Variants in ARHGAP44 observed in about 807,000 individuals in gnomAD.
The protein encoded by ARHGAP44 is Rho GTPase activating protein 44.
ARHGAP44 carries 43 observed loss-of-function variants against 106.8 expected under a neutral mutation model. The observed-to-expected ratio is 0.40, with a 90% confidence interval of 0.32 to 0.52. ARHGAP44 has a LOEUF of 0.52. ARHGAP44 is among the 20% of genes least tolerant of loss of function. The pLI, the probability that ARHGAP44 is intolerant of heterozygous loss-of-function variation, is 0.48. For synonymous variants in ARHGAP44, 439 were observed against 410.3 expected, an observed-to-expected ratio of 1.07 and a Z score of -0.85; for missense variants, 866 against 1,050.5, an observed-to-expected ratio of 0.82 and a Z score of 2.43.
intron 1 of ARHGAP44, among the ~76,000 whole-genome samples, chr17:12,888,794 G>A (rs2036956700): frequency 6.6e-6 from 1 of 152,092 alleles, no homozygotes; most frequent in African/African-American, 2.4e-5. Flanking sequence ...ATACACTTAG[G>A]ATTGTTGTGT....
chr17:12,841,243 G>A (rs2035381567), intron 1 of ARHGAP44, among the ~76,000 whole-genome samples: 1 of 152,162 alleles, frequency 6.6e-6, no homozygotes, highest in Admixed American at 6.5e-5. Flanking sequence ...TTCACCTCGA[G>A]AGTGAGGGCC....
intron 1 of ARHGAP44, among the ~76,000 whole-genome samples, chr17:12,844,110 A>G (rs1406405505): frequency 6.6e-6 from 1 of 152,200 alleles, no homozygotes; most frequent in Non-Finnish European, 1.5e-5. Flanking sequence ...GGAGTCAGCA[A>G]GAAATCTGGA....
intron 1 of ARHGAP44, among the ~76,000 whole-genome samples, chr17:12,846,842 T>G (rs537083542): frequency 6.6e-6 from 1 of 152,364 alleles, no homozygotes; most frequent in African/African-American, 2.4e-5. Flanking sequence ...TGAATTTCAT[T>G]TTGCGTGCAC....
chr17:12,967,046 T>G (rs1438938956), intron 16 of ARHGAP44, among the ~76,000 whole-genome samples: 1 of 151,564 alleles, frequency 6.6e-6, no homozygotes, highest in Non-Finnish European at 1.5e-5. Flanking sequence ...TTTCTCCCCC[T>G]CTTCTTCCTT....
intron 1 of ARHGAP44, among the ~76,000 whole-genome samples, chr17:12,857,946 G>A (rs1184790547): frequency 6.6e-6 from 1 of 152,074 alleles, no homozygotes; most frequent in African/African-American, 2.4e-5. Context: ...GACCACCTTA[G>A]CCACTATTAG....
Position 12,970,155 on chromosome 17 carries a change from G to A in ARHGAP44, c.1524-3147G>A, listed in dbSNP as rs575118282. 7.9e-5 allele frequency among the ~76,000 whole-genome samples: 12 copies of A among 152,018 alleles called. No individual in the cohort carries two copies. In the South Asian group the frequency reaches 2.5e-3, roughly 32 times the overall value. On this transcript the variant is annotated intron_variant, in intron 16 of 20. Transcript: ENST00000379672. ...CCTGCCCCTTGTCTTCTTACTCTGAGAGAGAGCAGTGGTCCAGCCTGGGTA... is the reference window on the plus strand; with the variant it reads ...CCTGCCCCTTGTCTTCTTACTCTGAAAGAGAGCAGTGGTCCAGCCTGGGTA...
At chr17:12,833,564 C>T (rs547967199) in intron 1 of ARHGAP44, among the ~76,000 whole-genome samples, 1 of 152,210 alleles carries the variant, frequency 6.6e-6, no homozygotes, top group Admixed American at 6.5e-5. Flanking sequence ...TTTTCTAACC[C>T]CTTGGTGATG....
chr17:12,967,249 CTTTTTTTTTT>C (rs57651305), intron 16 of ARHGAP44, among the ~76,000 whole-genome samples: 11,362 of 93,046 alleles, frequency 0.12, 640 homozygotes, highest in Admixed American at 0.17. Flanking sequence ...ACTCTTTTTG[CTTTTTTTTTT>C]TTTTTTTTTT....
At chr17:12,874,793 A>G (rs1355279255) in intron 1 of ARHGAP44, among the ~76,000 whole-genome samples, 1 of 147,368 alleles carries the variant, frequency 6.8e-6, no homozygotes, top group African/African-American at 2.4e-5. Context: ...TTTAATAAGC[A>G]AGTGCAGGAT....
At chr17:12,914,798 A>AG (rs1455300045) in intron 4 of ARHGAP44, among the ~76,000 whole-genome samples, 1 of 119,646 alleles carries the variant, frequency 8.4e-6, no homozygotes, top group East Asian at 2.8e-4. Flanking sequence ...CTCCATCTCA[A>AG]GAAAAAAAAA....
chr17:12,852,317 T>C (rs1332801999), intron 1 of ARHGAP44, among the ~76,000 whole-genome samples: 3 of 140,390 alleles, frequency 2.1e-5, no homozygotes, highest in Non-Finnish European at 4.6e-5. Flanking sequence ...GCAATTTTTA[T>C]GTTTCTGGAG....
Position 12,949,193 on chromosome 17 carries a change from C to A in ARHGAP44, c.915C>A (p.Ala305=). Residue 305 remains alanine, a synonymous_variant, in exon 11 of 21, where the codon GCC becomes GCA. Transcript: ENST00000379672. This position sits in a 1 kb window ranked among gnomAD's most constrained non-coding sequence, Gnocchi z 4.1. ...CCAAACTGAAGAAGCTGAAAGCGGC[C>A]CTGGACTGCTGCGTGGTGGATGTGC... is the stretch of plus-strand genomic sequence containing the variant. ...SASKLKKLKA[A]LDCCVVDVQE... The A allele has an allele frequency of 6.3e-7, 1 of 1,583,008 alleles. No individual in the cohort carries two copies. The highest frequency in any genetic ancestry group is 2.3e-5 in the East Asian group (1 of 43,012).
intron 7 of ARHGAP44, among the ~76,000 whole-genome samples, chr17:12,930,807 A>G (rs1008715482): frequency 6.6e-6 from 1 of 152,220 alleles, no homozygotes; most frequent in African/African-American, 2.4e-5. Context: ...ACAAAAATAT[A>G]TAAAGAAAAA....
At chr17:12,916,926 G>A (rs1203183188) in intron 5 of ARHGAP44, among the ~76,000 whole-genome samples, 1 of 152,158 alleles carries the variant, frequency 6.6e-6, no homozygotes, top group Admixed American at 6.6e-5. Context: ...TCCGAAATCT[G>A]AAATATTTTG....
At chr17:12,872,842 A>G (rs146315845) in intron 1 of ARHGAP44, among the ~76,000 whole-genome samples, 1 of 152,270 alleles carries the variant, frequency 6.6e-6, no homozygotes, top group African/African-American at 2.4e-5. Context: ...TCAATCATAC[A>G]TGACTTTACT....
chr17:12,844,152 C>A (rs146033985), intron 1 of ARHGAP44, among the ~76,000 whole-genome samples: 196 of 149,114 alleles, frequency 1.3e-3, no homozygotes, highest in Non-Finnish European at 1.9e-3. Flanking sequence ...GCCGCTATGC[C>A]GTAGAGCTCA....
intron 18 of ARHGAP44, among the ~76,000 whole-genome samples, chr17:12,979,822 G>T (rs1036772078): frequency 6.6e-6 from 1 of 152,198 alleles, no homozygotes; most frequent in African/African-American, 2.4e-5. Context: ...AAGGGCATTG[G>T]CAGTGAGTGC....
intron 13 of ARHGAP44, among the ~76,000 whole-genome samples, chr17:12,955,475 CT>C (rs1212123796): frequency 1.3e-5 from 2 of 152,182 alleles, no homozygotes; most frequent in African/African-American, 4.8e-5. Flanking sequence ...AACACCACCC[CT>C]AGCATGTAGA....
chr17:12,859,799 A>G (rs1176311827), intron 1 of ARHGAP44, among the ~76,000 whole-genome samples: 1 of 152,246 alleles, frequency 6.6e-6, no homozygotes, highest in East Asian at 1.9e-4. Context: ...ACGGGAAAGC[A>G]CCAAAGCCAC....
Sources: gnomAD v4.1 joint callset for allele counts (sites outside exome capture counted in the v4.1 genomes callset) on GRCh38, gnomAD v4.1.1 for gene constraint, Gnocchi (gnomAD v3.1) non-coding constraint, MANE v1.5 for transcripts, NCBI Gene and HGNC (gene_info 2026-07-23, HGNC 2026-07-21) for gene names.